DIAPH3: variants seen among roughly 807,000 people sequenced by gnomAD.
DIAPH3 encodes the protein protein diaphanous homolog 3.
Under a neutral mutation model 144.3 loss-of-function variants are expected in DIAPH3, and 117 were observed. The observed-to-expected ratio is 0.81, with a 90% CI of 0.70 to 0.95. The LOEUF (loss-of-function observed/expected upper bound fraction) is 0.95, where lower values mean the gene tolerates loss of function less well. Among genes scored for constraint, DIAPH3 ranks in the 40% least tolerant of loss-of-function variants. The pLI is 0.00. For missense variants in DIAPH3, 1,421 were observed against 1,412.7 expected, an observed-to-expected ratio of 1.01 and a Z score of -0.09; for synonymous variants, 519 against 488.9, an observed-to-expected ratio of 1.06 and a Z score of -0.81.
At chr13:59,926,689 A>G (rs2047768885) in intron 17 of DIAPH3, among the ~76,000 whole-genome samples, 2 of 152,182 alleles carry the variant, frequency 1.3e-5, no homozygotes, top group African/African-American at 2.4e-5. Flanking sequence ...GTGAGCTACA[A>G]AGATACTTAA....
chr13:59,777,543 G>A lies in DIAPH3; in HGVS notation c.3164-2720C>T, dbSNP rs371201737. Among the ~76,000 whole-genome samples, 9 of 152,248 alleles carry A rather than the reference G, an allele frequency of 5.9e-5. No individual in the cohort carries two copies. In the East Asian group the frequency reaches 1.5e-3, roughly 26 times the overall value. The stretch of plus-strand genomic sequence containing the variant: ...TGTGCATAAGGGATGTAGAGGAACA[G>A]GATATAGAGAAATCTGGTAGATACC... On this transcript the variant is annotated intron_variant, in intron 25 of 27. Transcript: ENST00000400324.
At chr13:59,991,892 A>T (rs540602161) in intron 11 of DIAPH3, among the ~76,000 whole-genome samples, 176 bp downstream of exon 11, 1 of 152,188 alleles carries the variant, frequency 6.6e-6, no homozygotes, top group Admixed American at 6.5e-5. Context: ...ATACGCTTAC[A>T]TATATGTGTA....
At chr13:59,694,714 A>G (rs2033709380) in intron 27 of DIAPH3, among the ~76,000 whole-genome samples, 1 of 152,166 alleles carries the variant, frequency 6.6e-6, no homozygotes, top group Non-Finnish European at 1.5e-5. Flanking sequence ...TATTATTGAA[A>G]ACACAAACAA....
intron 1 of DIAPH3, among the ~76,000 whole-genome samples, chr13:60,136,165 A>G (rs2059268232): frequency 6.6e-6 from 1 of 152,214 alleles, no homozygotes; most frequent in South Asian, 2.1e-4. Flanking sequence ...ATACAAAACT[A>G]TAAGGGTAAT....
chr13:59,807,078 A>T (rs887791014), intron 25 of DIAPH3, among the ~76,000 whole-genome samples: 1 of 151,934 alleles, frequency 6.6e-6, no homozygotes, highest in Non-Finnish European at 1.5e-5. Flanking sequence ...AAATGAAAAA[A>T]GTTATCAATA....
chr13:59,898,371 A>G (rs923373939), intron 20 of DIAPH3, among the ~76,000 whole-genome samples: 4 of 152,106 alleles, frequency 2.6e-5, no homozygotes, highest in Non-Finnish European at 4.4e-5. Flanking sequence ...GATGTGGTAA[A>G]TTCAGAATTC....
chr13:59,933,512 T>C (rs994977683), intron 17 of DIAPH3, among the ~76,000 whole-genome samples: 38 of 152,340 alleles, frequency 2.5e-4, no homozygotes, highest in African/African-American at 9.1e-4. Context: ...ACACTTACTC[T>C]GAAAGACTAG....
chr13:59,783,915 G>A (rs1279633967), intron 25 of DIAPH3, among the ~76,000 whole-genome samples: 1 of 152,102 alleles, frequency 6.6e-6, no homozygotes. Flanking sequence ...TGAGGGTAAT[G>A]CACAAGGCAA....
At chr13:59,970,347 A>G (rs1465995920) in intron 16 of DIAPH3, among the ~76,000 whole-genome samples, 6 of 152,170 alleles carry the variant, frequency 3.9e-5, no homozygotes, top group African/African-American at 7.2e-5. Flanking sequence ...CACCTGCACT[A>G]TACATTTTGG....
chr13:60,017,903 G>A (rs948146976), intron 5 of DIAPH3, among the ~76,000 whole-genome samples: 1 of 152,266 alleles, frequency 6.6e-6, no homozygotes, highest in Non-Finnish European at 1.5e-5. Context: ...CACTATCAGC[G>A]ACACACAGAT....
chr13:59,911,700 C>T (rs1166996195), intron 20 of DIAPH3, 35 bp downstream of exon 20: 1 of 1,481,458 alleles, frequency 6.8e-7, no homozygotes, highest in Non-Finnish European at 9.4e-7. Context: ...TTGTTTGGCA[C>T]AGTATAAAAA....
rs189361030 is a variant in DIAPH3 at position 59,880,201 on chromosome 13, G to C, written c.2368-733C>G. Among the ~76,000 whole-genome samples the C allele has an allele frequency of 2.1e-4, 32 of 152,202 alleles. 1 individual carries two copies. Among genetic ancestry groups the C allele is most frequent in the Admixed American group, 1.8e-3 (28 of 15,270 alleles). On this transcript the variant is annotated intron_variant, in intron 20 of 27. Coordinates refer to ENST00000400324, the MANE Select transcript of DIAPH3 (RefSeq NM_001042517.2). ...TAAAAGAACAAAGGGGCAAGTTCCT[G>C]CCTTTATCCTTACTCCTGTGTTATA...
chr13:59,907,834 A>G (rs1296936588), intron 20 of DIAPH3, among the ~76,000 whole-genome samples: 1 of 152,216 alleles, frequency 6.6e-6, no homozygotes, highest in Non-Finnish European at 1.5e-5. Flanking sequence ...ACTTAATTAG[A>G]AAGAGAGGTA....
chr13:60,072,973 T>C (rs546005356), intron 4 of DIAPH3, among the ~76,000 whole-genome samples: 7 of 152,288 alleles, frequency 4.6e-5, no homozygotes, highest in African/African-American at 1.7e-4. Context: ...TTTTGTGTAT[T>C]TTCTACAATG....
Position 59,872,265 on chromosome 13 carries a change from T to A in DIAPH3, c.2607+6964A>T, listed in dbSNP as rs181181107. On this transcript the variant is annotated intron_variant, in intron 21 of 27. Transcript: ENST00000400324. ...TTGCATCGAACAAAACTTTATAAGTTGTATTTTCATTTTGCTGTTTCATAT... is the reference window on the plus strand; with the variant it reads ...TTGCATCGAACAAAACTTTATAAGTAGTATTTTCATTTTGCTGTTTCATAT... 4.7e-4 allele frequency among the ~76,000 whole-genome samples: 71 copies of A among 152,338 alleles called. 1 individual carries two copies. In the Middle Eastern group the frequency reaches 0.017, roughly 36 times the overall value.
chr13:59,763,856 A>G (rs2037738626), intron 27 of DIAPH3, among the ~76,000 whole-genome samples: 1 of 152,112 alleles, frequency 6.6e-6, no homozygotes, highest in African/African-American at 2.4e-5. Context: ...GGCCCAAATC[A>G]ATATTTAAGA....
At chr13:59,886,249 G>T (rs2045441200) in intron 20 of DIAPH3, among the ~76,000 whole-genome samples, 1 of 152,020 alleles carries the variant, frequency 6.6e-6, no homozygotes, top group Admixed American at 6.6e-5. Context: ...TAGTCCCTAA[G>T]ATGTATAGAC....
intron 17 of DIAPH3, among the ~76,000 whole-genome samples, chr13:59,950,859 G>C (rs9528046): frequency 0.23 from 34,542 of 151,880 alleles, 4,100 homozygotes; most frequent in South Asian, 0.27. Context: ...TACTCTAGCA[G>C]TATAAACACT....
intron 25 of DIAPH3, among the ~76,000 whole-genome samples, chr13:59,805,295 T>G (rs2040135341): frequency 6.6e-6 from 1 of 152,022 alleles, no homozygotes; most frequent in Non-Finnish European, 1.5e-5. Context: ...TCTTAAAGCA[T>G]AATATTGAAT....
Sources: allele counts gnomAD v4.1 joint callset (sites outside exome capture counted in the v4.1 genomes callset), GRCh38; gene constraint gnomAD v4.1.1; transcripts MANE v1.5; gene names NCBI Gene and HGNC (gene_info 2026-07-23, HGNC 2026-07-21).